SENP7: variants seen among roughly 807,000 people sequenced by gnomAD.
The protein encoded by SENP7 is sentrin-specific protease 7.
In SENP7, 64 loss-of-function variants were observed where a neutral mutation model predicts 141.2. That is an observed-to-expected ratio of 0.45 (90% CI 0.37 to 0.56). The LOEUF is 0.56. Ranked by LOEUF, SENP7 falls within the 20% of genes least tolerant of loss-of-function variation. SENP7 has a pLI of 0.00. For synonymous variants in SENP7, 382 were observed against 426.4 expected (o/e 0.90, Z 1.28); for missense variants, 1,025 against 1,212.2 (o/e 0.85, Z 2.29).
At chr3:101,370,966 G>A (rs1367383640) in intron 7 of SENP7, among the ~76,000 whole-genome samples, 2 of 152,246 alleles carry the variant, frequency 1.3e-5, no homozygotes, top group East Asian at 3.9e-4. Flanking sequence ...AGATTTTTTT[G>A]TATTGTGAAT....
intron 13 of SENP7, 127 bp downstream of exon 13, chr3:101,347,743 CAA>C (rs1020816953): frequency 2.6e-6 from 1 of 382,294 alleles, no homozygotes; most frequent in African/African-American, 2.2e-5. Context: ...AAAAAAGAAA[CAA>C]AATTATTTTC....
At chr3:101,428,146 G>T (rs1487635663) in intron 4 of SENP7, among the ~76,000 whole-genome samples, 1 of 152,148 alleles carries the variant, frequency 6.6e-6, no homozygotes, top group Non-Finnish European at 1.5e-5. Context: ...GAATAGTGCT[G>T]CAATAAACAT....
At chr3:101,425,796 TAGCC>T (rs2061940548) in intron 4 of SENP7, among the ~76,000 whole-genome samples, 1 of 152,050 alleles carries the variant, frequency 6.6e-6, no homozygotes, top group South Asian at 2.1e-4. Flanking sequence ...ACAGACAAAA[TAGCC>T]AGTACACAAA....
intron 4 of SENP7, among the ~76,000 whole-genome samples, chr3:101,455,322 A>G (rs1045743495): frequency 3.3e-5 from 5 of 152,244 alleles, no homozygotes; most frequent in Non-Finnish European, 7.3e-5. Context: ...CAACTATGAG[A>G]TAAGGCCAAT....
chr3:101,357,669 A>G (rs567603304), intron 11 of SENP7: 2 of 750,210 alleles, frequency 2.7e-6, no homozygotes, highest in East Asian at 2.5e-5. Flanking sequence ...ACAACTACCC[A>G]GAGAAAAATA....
intron 4 of SENP7, among the ~76,000 whole-genome samples, chr3:101,435,900 C>G (rs532552952): frequency 6.6e-6 from 1 of 152,120 alleles, no homozygotes; most frequent in African/African-American, 2.4e-5. Flanking sequence ...CAGTGACATT[C>G]TTCACAGAAA....
intron 5 of SENP7, among the ~76,000 whole-genome samples, chr3:101,400,605 T>G (rs941358499): frequency 6.6e-6 from 1 of 151,380 alleles, no homozygotes; most frequent in Admixed American, 6.6e-5. Context: ...CATAAGACAT[T>G]GAACTTAATT....
intron 4 of SENP7, among the ~76,000 whole-genome samples, chr3:101,435,391 A>ACT (rs1469097530): frequency 7.2e-5 from 11 of 152,114 alleles, no homozygotes; most frequent in African/African-American, 2.7e-4. Context: ...AAGGATGTCT[A>ACT]CTGTCACCAC....
Position 101,327,782 on chromosome 3 carries a change from T to A in SENP7, c.2899A>T (p.Thr967Ser). Residue 967 changes from threonine (T) to serine (S), a missense_variant, in exon 23 of 24, where the codon ACT (threonine) becomes TCT (serine). Physicochemically the swap from Thr to Ser is moderately conservative, Grantham distance 58. Transcript: ENST00000394095. ...LEVEWEVKLKTHRQFSKTNMV... is the reference protein window; with the variant it reads ...LEVEWEVKLKSHRQFSKTNMV... ...TTTGTTTTGCTGAATTGACGATGAG[T>A]TTTTAGTTTAACTTCCCACTCTACC... 6.2e-7 allele frequency: 1 copy of A among 1,609,852 alleles called. No individual in the cohort carries two copies. The highest frequency in any genetic ancestry group is 1.7e-4 in the Middle Eastern group (1 of 6,044).
intron 6 of SENP7, among the ~76,000 whole-genome samples, chr3:101,388,801 A>G (rs2060730685): frequency 6.7e-6 from 1 of 149,802 alleles, no homozygotes; most frequent in Non-Finnish European, 1.5e-5. Flanking sequence ...AGATATCCAG[A>G]AAAAAAAAAG....
intron 20 of SENP7, among the ~76,000 whole-genome samples, chr3:101,329,121 G>A (rs2058979444): frequency 6.6e-6 from 1 of 152,168 alleles, no homozygotes; most frequent in African/African-American, 2.4e-5. Context: ...TTTTGTTGAT[G>A]TTGTTTGTTT....
chr3:101,366,380 T>A (rs2060038355), intron 9 of SENP7, 50 bp downstream of exon 9: 1 of 1,329,524 alleles, frequency 7.5e-7, no homozygotes, highest in African/African-American at 1.5e-5. Flanking sequence ...AAAAAATAAC[T>A]AAGTAAAGCA....
chr3:101,389,217 G>A (rs2553428), intron 6 of SENP7, among the ~76,000 whole-genome samples: 143,142 of 152,248 alleles, frequency 0.94, 67,332 homozygotes, highest in East Asian at 1. Context: ...AGCTCACTGC[G>A]GCCTTGAACT....
chr3:101,338,133 A>G (rs866790046), intron 16 of SENP7, among the ~76,000 whole-genome samples: 15 of 150,076 alleles, frequency 1.0e-4, no homozygotes, highest in African/African-American at 3.2e-4. Context: ...AGCCTGGGTG[A>G]CACAGCGAGA....
rs759573161 is a variant in SENP7, at chr3:101,368,025, T to C, written c.797-14A>G. 21 of 1,589,260 alleles carry C rather than the reference T, an allele frequency of 1.3e-5. No individual in the cohort carries two copies. Among genetic ancestry groups the C allele is most frequent in the Non-Finnish European group, 1.7e-5 (20 of 1,170,000 alleles). On this transcript the variant is annotated splice_polypyrimidine_tract_variant and intron_variant, in intron 7 of 23. Coordinates refer to ENST00000394095, the MANE Select transcript of SENP7 (RefSeq NM_020654.5). ...CACTGTTAAGGTCTTAAAAAACAAA[T>C]GAAGCATAAATATGGACAAAAAAGT...
At chr3:101,473,718 T>C (rs554115260) in intron 3 of SENP7, among the ~76,000 whole-genome samples, 1 of 152,366 alleles carries the variant, frequency 6.6e-6, no homozygotes, top group Admixed American at 6.5e-5. Context: ...TCTTTTGGTG[T>C]GCAGAAGCTC....
intron 10 of SENP7, among the ~76,000 whole-genome samples, chr3:101,363,656 A>G (rs1282932134): frequency 6.6e-6 from 1 of 152,194 alleles, no homozygotes; most frequent in Non-Finnish European, 1.5e-5. Flanking sequence ...TATTGACCCC[A>G]TCTGGTAAAA....
chr3:101,491,886 G>A (rs1446704389), intron 3 of SENP7, among the ~76,000 whole-genome samples: 1 of 152,160 alleles, frequency 6.6e-6, no homozygotes, highest in Non-Finnish European at 1.5e-5. Flanking sequence ...GAGGTTGGGA[G>A]TTCGAGACCA....
intron 3 of SENP7, among the ~76,000 whole-genome samples, chr3:101,481,392 G>GA (rs1230668218): frequency 6.6e-6 from 1 of 152,152 alleles, no homozygotes; most frequent in African/African-American, 2.4e-5. Flanking sequence ...GAAACAGAAA[G>GA]AAAAATATTC....
Sources: gnomAD v4.1 joint callset for allele counts (sites outside exome capture counted in the v4.1 genomes callset) on GRCh38, gnomAD v4.1.1 for gene constraint, MANE v1.5 for transcripts, NCBI Gene and HGNC (gene_info 2026-07-23, HGNC 2026-07-21) for gene names.